The following LZTS1 variants were observed in gnomAD, a reference collection of about 807,000 sequenced individuals.
LZTS1 encodes leucine zipper putative tumor suppressor 1.
LZTS1 carries 31 observed loss-of-function variants against 45.8 expected under a neutral mutation model. That is an observed-to-expected ratio of 0.68 (90% CI 0.51 to 0.91). LZTS1 has a LOEUF of 0.91. Among genes scored for constraint, LZTS1 ranks in the 40% least tolerant of loss-of-function variants. The pLI is 0.00. For synonymous variants in LZTS1, 359 were observed against 357.3 expected (o/e 1.00, Z -0.05); for missense variants, 821 against 788.9 (o/e 1.04, Z -0.49).
At chr8:20,274,685 C>T (rs1800540760) in intron 1 of LZTS1, among the ~76,000 whole-genome samples, 1 of 152,176 alleles carries the variant, frequency 6.6e-6, no homozygotes, top group African/African-American at 2.4e-5. Context: ...CTCCAAGCTC[C>T]ACTTTGTGAA....
chr8:20,288,613 C>G (rs1585301392), intron 1 of LZTS1, among the ~76,000 whole-genome samples: 1 of 152,206 alleles, frequency 6.6e-6, no homozygotes, highest in Admixed American at 6.5e-5. Context: ...GTGGCAGTAC[C>G]TGGCTTCAAA....
At position 20,255,189 on chromosome 8, in the gene LZTS1, C is replaced by A; in HGVS notation, c.-8G>T. The A allele has an allele frequency of 6.2e-7, 1 of 1,607,004 alleles. No homozygotes were observed. On this transcript the variant is annotated 5_prime_UTR_variant, in exon 2 of 4. An upstream open reading frame in the 5' UTR gains an earlier in-frame stop. Transcript: ENST00000381569. ...GCTACTGACGCTGCCCATGGTGACTCGGGGCTGAGGATGGGGCAGGGCCGG... is the reference window on the plus strand; with the variant it reads ...GCTACTGACGCTGCCCATGGTGACTAGGGGCTGAGGATGGGGCAGGGCCGG...
chr8:20,301,596 A>T (rs929527138), intron 1 of LZTS1, among the ~76,000 whole-genome samples: 1 of 152,214 alleles, frequency 6.6e-6, no homozygotes, highest in African/African-American at 2.4e-5. Context: ...GCGCAAAGGC[A>T]TATAAATAAG....
chr8:20,269,653 C>T (rs1431991080), intron 1 of LZTS1, among the ~76,000 whole-genome samples: 1 of 152,178 alleles, frequency 6.6e-6, no homozygotes, highest in Non-Finnish European at 1.5e-5. Context: ...CATGCATGGG[C>T]AAGGAGAAGG....
chr8:20,255,998 C>T (rs1291363577), intron 1 of LZTS1, among the ~76,000 whole-genome samples: 1 of 147,784 alleles, frequency 6.8e-6, no homozygotes, highest in Admixed American at 7.0e-5. Context: ...TCGTCTGAGC[C>T]CCGGGGATCA....
At chr8:20,271,939 A>G (rs942860058) in intron 1 of LZTS1, among the ~76,000 whole-genome samples, 3 of 152,176 alleles carry the variant, frequency 2.0e-5, no homozygotes, top group African/African-American at 7.2e-5. Flanking sequence ...ACCTCCCAGT[A>G]TATGTGTCAG....
chr8:20,251,097 T>C (rs541448723), intron 3 of LZTS1, among the ~76,000 whole-genome samples: 10 of 32,612 alleles, frequency 3.1e-4, no homozygotes, highest in African/African-American at 7.1e-4. Context: ...GCCTGAGGGC[T>C]AATATATATA....
At chr8:20,267,333 T>C (rs1295290875) in intron 1 of LZTS1, among the ~76,000 whole-genome samples, 1 of 151,424 alleles carries the variant, frequency 6.6e-6, no homozygotes, top group African/African-American at 2.4e-5. Context: ...GGTGCGGGAG[T>C]TGGGGTAGGA....
chr8:20,280,865 A>T (rs953280414), intron 1 of LZTS1, among the ~76,000 whole-genome samples: 2 of 151,846 alleles, frequency 1.3e-5, no homozygotes, highest in Non-Finnish European at 2.9e-5. Context: ...TCTCTAAAAA[A>T]CCGCTCACAA....
Position 20,252,826 on chromosome 8 carries a change from C to G in LZTS1, c.1105G>C (p.Glu369Gln). The G allele has an allele frequency of 6.4e-7, 1 of 1,553,058 alleles. No individual in the cohort carries two copies. Among genetic ancestry groups the G allele is most frequent in the African/African-American group, 1.4e-5 (1 of 72,602 alleles). The change falls in exon 3 of 4, where the codon GAG (glutamate) becomes CAG (glutamine). Residue 369 changes from glutamate to glutamine, a missense_variant. Glu to Gln is a conservative substitution (Grantham distance 29). Coordinates refer to ENST00000381569, the MANE Select transcript of LZTS1 (RefSeq NM_021020.5). ...AGCGCGGGGCCGAAGCTGGTCTTCTCCCTCTCGTAGGACCTGAGCTTGGTC... is the reference window on the plus strand; with the variant it reads ...AGCGCGGGGCCGAAGCTGGTCTTCTGCCTCTCGTAGGACCTGAGCTTGGTC... ...LETKLRSYER[E>Q]KTSFGPALEE...
intron 1 of LZTS1, among the ~76,000 whole-genome samples, chr8:20,277,999 T>C (rs1243565078): frequency 6.6e-6 from 1 of 152,156 alleles, no homozygotes; most frequent in East Asian, 1.9e-4. Flanking sequence ...TGGCACATAG[T>C]TGTGTTACAG....
chr8:20,260,268 A>T (rs1800199111), intron 1 of LZTS1, among the ~76,000 whole-genome samples: 1 of 152,194 alleles, frequency 6.6e-6, no homozygotes, highest in African/African-American at 2.4e-5. Flanking sequence ...TCACTCTGTC[A>T]CCCAGGCTGG....
chr8:20,263,201 C>T (rs573969828), intron 1 of LZTS1, among the ~76,000 whole-genome samples: 1 of 152,314 alleles, frequency 6.6e-6, no homozygotes, highest in African/African-American at 2.4e-5. Flanking sequence ...ACTGCCTACC[C>T]CACGACCGCC....
At chr8:20,285,526 G>A (rs1261816475) in intron 1 of LZTS1, among the ~76,000 whole-genome samples, 2 of 152,190 alleles carry the variant, frequency 1.3e-5, no homozygotes, top group Admixed American at 6.5e-5. Context: ...CCGAAGTTGT[G>A]TATGACCTCT....
intron 1 of LZTS1, among the ~76,000 whole-genome samples, chr8:20,292,507 C>T (rs767063565): frequency 6.6e-6 from 1 of 152,192 alleles, no homozygotes; most frequent in Non-Finnish European, 1.5e-5. Context: ...TGTCACAGAA[C>T]CCTTAGGACA....
intron 1 of LZTS1, among the ~76,000 whole-genome samples, chr8:20,296,727 G>A (rs1800985570): frequency 6.6e-6 from 1 of 151,728 alleles, no homozygotes; most frequent in Non-Finnish European, 1.5e-5. Context: ...GTGCGTGTGT[G>A]CATGTGTGTG....
intron 1 of LZTS1, among the ~76,000 whole-genome samples, chr8:20,267,133 A>G (rs1265195192): frequency 6.6e-6 from 1 of 151,650 alleles, no homozygotes; most frequent in African/African-American, 2.4e-5. Context: ...GAAAAGAAAA[A>G]AAAAGAAAAC....
intron 1 of LZTS1, among the ~76,000 whole-genome samples, chr8:20,274,533 C>G (rs13275384): frequency 0.28 from 42,119 of 152,050 alleles, 6,297 homozygotes; most frequent in East Asian, 0.51. Context: ...TGGGTCCGAG[C>G]CTGTGGGCGT....
intron 1 of LZTS1, among the ~76,000 whole-genome samples, chr8:20,272,383 T>A (rs1800491548): frequency 6.6e-6 from 1 of 152,164 alleles, no homozygotes; most frequent in Non-Finnish European, 1.5e-5. Flanking sequence ...TCATGCCCAA[T>A]TCTCCCTTCT....
Sources: gnomAD v4.1 joint callset for allele counts (sites outside exome capture counted in the v4.1 genomes callset) on GRCh38, gnomAD v4.1.1 for gene constraint, MANE v1.5 for transcripts, NCBI Gene and HGNC (gene_info 2026-07-23, HGNC 2026-07-21) for gene names.